Variants in CRLF3 observed in about 807,000 individuals in gnomAD.
CRLF3 encodes cytokine receptor like factor 3.
A neutral mutation model predicts 55.0 loss-of-function variants in CRLF3; 33 were observed. The ratio of observed to expected loss-of-function variants is 0.60; its 90% CI spans 0.46 to 0.80. The LOEUF (loss-of-function observed/expected upper bound fraction) is 0.80, where lower values mean the gene tolerates loss of function less well. Among genes scored for constraint, CRLF3 ranks in the 30% least tolerant of loss-of-function variants. The pLI is 0.00. For missense variants in CRLF3, 494 were observed against 538.4 expected, an observed-to-expected ratio of 0.92 and a Z score of 0.82; for synonymous variants, 238 against 196.8, an observed-to-expected ratio of 1.21 and a Z score of -1.75.
chr17:30,824,091 C>T (rs1358190117), intron 1 of CRLF3, among the ~76,000 whole-genome samples: 3 of 152,090 alleles, frequency 2.0e-5, no homozygotes, highest in Non-Finnish European at 4.4e-5. Flanking sequence ...TTTGTCTCCA[C>T]TTTCAGCTCT....
At chr17:30,786,234 G>A in intron 6 of CRLF3, 1 of 436,200 alleles carries the variant, frequency 2.3e-6, no homozygotes, top group Non-Finnish European at 4.0e-6. Context: ...CAATCTATGA[G>A]GTAGGTGCTT....
chr17:30,788,175 T>A (rs961917031), intron 6 of CRLF3, among the ~76,000 whole-genome samples: 3 of 144,204 alleles, frequency 2.1e-5, no homozygotes, highest in East Asian at 2.1e-4. Context: ...AAAAATACAA[T>A]AAATTAGCCG....
At chr17:30,792,264 C>T (rs558368104) in intron 6 of CRLF3, 176 bp downstream of exon 6, 2 of 531,350 alleles carry the variant, frequency 3.8e-6, no homozygotes, top group South Asian at 3.1e-5. Context: ...TACGTAATAA[C>T]CCTGTGAATA....
chr17:30,805,320 AGTT>A (rs1156578850), intron 1 of CRLF3, among the ~76,000 whole-genome samples: 2 of 152,204 alleles, frequency 1.3e-5, no homozygotes, highest in East Asian at 1.9e-4. Flanking sequence ...ATCTATACAA[AGTT>A]GTTCTTGAAA....
intron 1 of CRLF3, among the ~76,000 whole-genome samples, chr17:30,822,161 C>T (rs899809625): frequency 1.3e-5 from 2 of 151,964 alleles, no homozygotes; most frequent in Admixed American, 6.6e-5. Context: ...TTCCTCTCTG[C>T]TCTTCTCATG....
chr17:30,802,512 T>C (rs935836607), intron 2 of CRLF3, among the ~76,000 whole-genome samples: 5 of 151,842 alleles, frequency 3.3e-5, no homozygotes, highest in Admixed American at 2.0e-4. Context: ...CTCACTGCAG[T>C]GTCAATCTCC....
intron 2 of CRLF3, among the ~76,000 whole-genome samples, chr17:30,800,087 G>A (rs556384168): frequency 1.3e-5 from 2 of 152,268 alleles, no homozygotes; most frequent in South Asian, 4.2e-4. Flanking sequence ...CAGGTGGAGT[G>A]ACAGCCATGT....
At chr17:30,818,743 C>A (rs1287413814) in intron 1 of CRLF3, among the ~76,000 whole-genome samples, 1 of 146,992 alleles carries the variant, frequency 6.8e-6, no homozygotes, top group South Asian at 2.2e-4. Flanking sequence ...TGTGAGCCAC[C>A]ACGCCTGGCC....
At position 30,792,516 on chromosome 17, in the gene CRLF3, G is replaced by T; in HGVS notation, c.883C>A (p.Arg295=). ...ACACCCGATGATTCAGAATCGTTCC[G>T]AAGTGCTATATTTCTTCGACTGCTC... ...SLSSRRNIAL[R]NDSESSGVLY... Residue 295 remains arginine, a synonymous_variant, in exon 6 of 8, where the codon CGG becomes AGG. Transcript: ENST00000324238. The T allele has an allele frequency of 1.2e-6, 2 of 1,612,900 alleles. No individual in the cohort carries two copies. Among genetic ancestry groups the T allele is most frequent in the Non-Finnish European group, 8.5e-7 (1 of 1,178,964 alleles).
intron 6 of CRLF3, among the ~76,000 whole-genome samples, chr17:30,790,329 G>T (rs1971763337): frequency 6.6e-6 from 1 of 152,122 alleles, no homozygotes; most frequent in Non-Finnish European, 1.5e-5. Flanking sequence ...ACTTCTCTAA[G>T]TCAAAACTGG....
intron 6 of CRLF3, among the ~76,000 whole-genome samples, chr17:30,788,554 A>C (rs1971704652): frequency 6.7e-6 from 1 of 149,442 alleles, no homozygotes; most frequent in Non-Finnish European, 1.5e-5. Flanking sequence ...GCCTTCCAGA[A>C]GCTTCAGCAG....
intron 6 of CRLF3, chr17:30,786,607 A>C (rs1304735400): frequency 6.6e-6 from 1 of 152,252 alleles, no homozygotes. Flanking sequence ...AAAAAGATTA[A>C]AAATAGCTAA....
intron 1 of CRLF3, 81 bp downstream of exon 1, chr17:30,824,442 C>T: frequency 7.1e-7 from 1 of 1,408,320 alleles, no homozygotes. Flanking sequence ...ACAGTCCCAC[C>T]CCTCAAAGCC....
At chr17:30,811,604 C>G (rs1299069407) in intron 1 of CRLF3, among the ~76,000 whole-genome samples, 1 of 151,496 alleles carries the variant, frequency 6.6e-6, no homozygotes, top group East Asian at 1.9e-4. Flanking sequence ...GAGTTCAAGA[C>G]CAGCCTGGCC....
chr17:30,820,944 A>G (rs1904976774), intron 1 of CRLF3, among the ~76,000 whole-genome samples: 1 of 151,908 alleles, frequency 6.6e-6, no homozygotes, highest in African/African-American at 2.4e-5. Flanking sequence ...AGCCCCAGCT[A>G]CTTGGGGATC....
chr17:30,820,958 G>A (rs1274202856), intron 1 of CRLF3, among the ~76,000 whole-genome samples: 1 of 151,842 alleles, frequency 6.6e-6, no homozygotes, highest in Non-Finnish European at 1.5e-5. Flanking sequence ...GGGGATCTGA[G>A]ACAGGAGGAT....
intron 7 of CRLF3, 71 bp downstream of exon 7, chr17:30,785,848 C>A: frequency 1.2e-6 from 1 of 807,810 alleles, no homozygotes; most frequent in Non-Finnish European, 2.0e-6. Flanking sequence ...ATGTATGGAA[C>A]TGGAACAGAT....
chr17:30,811,821 A>T (rs1904637425), intron 1 of CRLF3, among the ~76,000 whole-genome samples: 1 of 148,758 alleles, frequency 6.7e-6, no homozygotes, highest in African/African-American at 2.5e-5. Context: ...AAAAAAAAAA[A>T]AAAAAAAGGC....
chr17:30,807,413 T>C lies in CRLF3; in HGVS notation c.130-3305A>G, dbSNP rs527447795. On this transcript the variant is annotated intron_variant, in intron 1 of 7. Coordinates refer to ENST00000324238, the MANE Select transcript of CRLF3 (RefSeq NM_015986.4). ...AATACAATATTGTTTCCCAGCAATG[T>C]TCACGACCATGTAAAAACAAAAAAT... 2.6e-5 allele frequency among the ~76,000 whole-genome samples: 4 copies of C among 151,956 alleles called. No individual in the cohort carries two copies. The South Asian group carries it at 8.3e-4, about 31-fold the overall frequency.
Sources: allele counts gnomAD v4.1 joint callset (sites outside exome capture counted in the v4.1 genomes callset), GRCh38; gene constraint gnomAD v4.1.1; transcripts MANE v1.5; gene names NCBI Gene and HGNC (gene_info 2026-07-23, HGNC 2026-07-21).